TENT4B: variants seen among roughly 807,000 people sequenced by gnomAD.
TENT4B encodes the protein terminal nucleotidyltransferase 4B, also known as PAP associated domain containing 5.
TENT4B carries 10 observed loss-of-function variants against 75.0 expected under a neutral mutation model. The ratio of observed to expected loss-of-function variants is 0.13; its 90% CI spans 0.08 to 0.23. The LOEUF (loss-of-function observed/expected upper bound fraction) is 0.23. Ranked by LOEUF, TENT4B falls within the 10% of genes least tolerant of loss-of-function variation. The pLI is 1.00. For missense variants in TENT4B, 579 were observed against 893.8 expected (o/e 0.65, Z 4.49); for synonymous variants, 350 against 357.7 (o/e 0.98, Z 0.24).
Position 50,154,003 on chromosome 16 carries a change from T to G in TENT4B, c.382T>G (p.Ser128Ala). The G allele has an allele frequency of 6.5e-7, 1 of 1,533,792 alleles. No homozygotes were observed. The highest frequency in any genetic ancestry group is 8.7e-7 in the Non-Finnish European group (1 of 1,145,886). ...GGCCTGGGCCCGCCGGGCGGGCTCC[T>G]CGGCGTCCTCGCCTCCCTCGGCGTC... ...PGAWARRAGS[S>A]ASSPPSASSS... Residue 128 changes from serine (S) to alanine (A), a missense_variant, in exon 1 of 12, where the codon TCG becomes GCG. Coordinates refer to ENST00000561678, the MANE Select transcript of TENT4B (RefSeq NM_001365324.3).
intron 1 of TENT4B, among the ~76,000 whole-genome samples, chr16:50,155,015 G>A (rs929461702): frequency 6.6e-6 from 1 of 152,188 alleles, no homozygotes; most frequent in East Asian, 1.9e-4. Flanking sequence ...TCACTGTAAA[G>A]TTGTCATCCT....
At chr16:50,175,684 A>G (rs1231574390) in intron 1 of TENT4B, among the ~76,000 whole-genome samples, 5 of 151,660 alleles carry the variant, frequency 3.3e-5, no homozygotes, top group Admixed American at 2.6e-4. Flanking sequence ...GTTGGCCAGG[A>G]TGGTCTTGAT....
intron 7 of TENT4B, among the ~76,000 whole-genome samples, chr16:50,223,817 A>G (rs1183407169): frequency 2.6e-5 from 4 of 152,158 alleles, no homozygotes; most frequent in Non-Finnish European, 5.9e-5. Flanking sequence ...CAAGGAGACA[A>G]TGTATTTTCT....
Position 50,161,904 on chromosome 16 carries a change from A to G in TENT4B, c.638+7645A>G, listed in dbSNP as rs949357897. 2.0e-5 allele frequency among the ~76,000 whole-genome samples: 3 copies of G among 152,132 alleles called. 1 individual carries two copies. The highest frequency in any genetic ancestry group is 4.4e-5 in the Non-Finnish European group (3 of 68,010). ...TGTAGATCTGGATAGCCACTGTAAC[A>G]GTCTATAGTTCTATATACAGAGCTA... On this transcript the variant is annotated intron_variant, in intron 1 of 11. Transcript: ENST00000561678.
At chr16:50,173,087 C>T (rs2038237210) in intron 1 of TENT4B, among the ~76,000 whole-genome samples, 1 of 152,038 alleles carries the variant, frequency 6.6e-6, no homozygotes, top group South Asian at 2.1e-4. Context: ...GGACTACAGG[C>T]GCATACCTCC....
In TENT4B at chr16:50,231,042, C is replaced by CTTGA; in HGVS notation, c.*1715_*1716insTGAT. On this transcript the variant is annotated 3_prime_UTR_variant, in exon 12 of 12. Coordinates refer to ENST00000561678, the MANE Select transcript of TENT4B (RefSeq NM_001365324.3). ...GTAACTTTTTATAAAGAAAATAATG[C>CTTGA]TAAAGTAAGACCAAAACTGATGTCA... 1.0e-6 allele frequency: 1 copy of CTTGA among 982,306 alleles called. No homozygotes were observed. Among genetic ancestry groups the CTTGA allele is most frequent in the Non-Finnish European group, 1.2e-6 (1 of 826,778 alleles). The allele number at this position is 982,306 out of a possible 1,614,324, so 60.8% of individuals were successfully genotyped here.
intron 1 of TENT4B, among the ~76,000 whole-genome samples, chr16:50,164,157 C>CA (rs1182720902): frequency 4.0e-5 from 6 of 150,406 alleles, no homozygotes; most frequent in East Asian, 3.9e-4. Context: ...AACTTCATCT[C>CA]AAAAAAAATA....
intron 1 of TENT4B, among the ~76,000 whole-genome samples, chr16:50,190,696 A>G (rs77438601): frequency 0.017 from 2,631 of 152,154 alleles, 129 homozygotes; most frequent in African/African-American, 0.061. Flanking sequence ...TTAAAACATT[A>G]TAGTAGAATA....
At chr16:50,173,585 T>C (rs2038246318) in intron 1 of TENT4B, among the ~76,000 whole-genome samples, 1 of 152,224 alleles carries the variant, frequency 6.6e-6, no homozygotes, top group African/African-American at 2.4e-5. Context: ...TGTCAGTGTT[T>C]TGGCTTTTCA....
At chr16:50,182,582 G>A (rs1036075750) in intron 1 of TENT4B, among the ~76,000 whole-genome samples, 3 of 152,100 alleles carry the variant, frequency 2.0e-5, no homozygotes, top group Non-Finnish European at 4.4e-5. Context: ...TCTTTTCCAT[G>A]TATTTATATA....
intron 1 of TENT4B, among the ~76,000 whole-genome samples, chr16:50,183,520 C>G (rs2038464863): frequency 1.1e-5 from 1 of 94,480 alleles, no homozygotes; most frequent in African/African-American, 3.6e-5. Context: ...ACTTAAAAAC[C>G]CTTTTTTTTT....
chr16:50,233,458 A>T lies in TENT4B; in HGVS notation c.*4130A>T, dbSNP rs2032354899. 10 of 985,138 alleles carry T rather than the reference A, an allele frequency of 1.0e-5. No homozygotes were observed. Among genetic ancestry groups the T allele is most frequent in the African/African-American group, 1.7e-5 (1 of 57,190 alleles). The allele number at this position is 985,138 out of a possible 1,614,324, so 61.0% of individuals were successfully genotyped here. A position where few individuals can be genotyped will look rare whatever the true frequency, so the allele number is the denominator to read the frequency against. Reference sequence around the variant, plus strand: ...CTAACTGGAAGCCTTTTTCTCAGTCATCTTGTTCTAAGCCATCTTGACTTC... The same window carrying T: ...CTAACTGGAAGCCTTTTTCTCAGTCTTCTTGTTCTAAGCCATCTTGACTTC... On this transcript the variant is annotated 3_prime_UTR_variant, in exon 12 of 12. Transcript: ENST00000561678.
chr16:50,171,301 T>C (rs1010605180), intron 1 of TENT4B, among the ~76,000 whole-genome samples: 4 of 152,084 alleles, frequency 2.6e-5, no homozygotes, highest in Non-Finnish European at 5.9e-5. Context: ...CTTGGGAGGC[T>C]GAAGTGCAAG....
intron 1 of TENT4B, among the ~76,000 whole-genome samples, chr16:50,163,428 T>C (rs2038037759): frequency 6.7e-6 from 1 of 150,316 alleles, no homozygotes; most frequent in Non-Finnish European, 1.5e-5. Context: ...TTTTTTTTTT[T>C]TTTTTTTGAG....
At position 50,233,685 on chromosome 16, in the gene TENT4B, GT is replaced by G; in HGVS notation, c.*4364del. 2.1e-6 allele frequency: 2 copies of G among 937,468 alleles called. No individual in the cohort carries two copies. The highest frequency in any genetic ancestry group is 2.5e-6 in the Non-Finnish European group (2 of 804,058). 58.1% of individuals were successfully genotyped at this position (937,468 alleles called of 1,614,324 possible). On this transcript the variant is annotated 3_prime_UTR_variant, in exon 12 of 12. Transcript: ENST00000561678. ...TATTTTACTGTCTCTCAGGTTTTTG[GT>G]TTTTTTAAAAAAAATGTGTTTGGCC...
chr16:50,188,291 C>T (rs2038573960), intron 1 of TENT4B, among the ~76,000 whole-genome samples: 1 of 152,226 alleles, frequency 6.6e-6, no homozygotes, highest in Non-Finnish European at 1.5e-5. Context: ...TCAGTTCCCT[C>T]ATCACTTTTC....
At chr16:50,218,323 C>T (rs2031666721) in intron 5 of TENT4B, among the ~76,000 whole-genome samples, 1 of 151,812 alleles carries the variant, frequency 6.6e-6, no homozygotes, top group Admixed American at 6.6e-5. Flanking sequence ...ACTGTGCGGG[C>T]AGTGAGCTGC....
intron 1 of TENT4B, among the ~76,000 whole-genome samples, chr16:50,210,112 G>A (rs2031201400): frequency 6.6e-6 from 1 of 152,078 alleles, no homozygotes; most frequent in African/African-American, 2.4e-5. Context: ...CGAGCCTTCT[G>A]GTCTATCCCA....
At chr16:50,201,431 G>A (rs1327158066) in intron 1 of TENT4B, among the ~76,000 whole-genome samples, 1 of 152,018 alleles carries the variant, frequency 6.6e-6, no homozygotes. Flanking sequence ...CAGCTACTTA[G>A]GAGGCTGAGG....
Sources: gnomAD v4.1 joint callset for allele counts (sites outside exome capture counted in the v4.1 genomes callset) on GRCh38, gnomAD v4.1.1 for gene constraint, MANE v1.5 for transcripts, NCBI Gene and HGNC (gene_info 2026-07-23, HGNC 2026-07-21) for gene names.